JRK: variants seen among roughly 807,000 people sequenced by gnomAD.
The protein encoded by JRK is jerky protein homolog.
For missense variants in JRK, 720 were observed against 509.2 expected (o/e 1.41, Z -3.98); for synonymous variants, 303 against 218.1 (o/e 1.39, Z -3.43).
downstream of JRK, among the ~76,000 whole-genome samples, chr8:142,656,031 A>AT (rs1438495776): frequency 6.6e-6 from 1 of 152,206 alleles, no homozygotes; most frequent in African/African-American, 2.4e-5. Context: ...TTCTCAGACC[A>AT]TATTTATGAT....
At chr8:142,648,807 C>T in the JRK span, among the ~76,000 whole-genome samples, 1 of 152,234 alleles carries the variant, frequency 6.6e-6, no homozygotes, top group Non-Finnish European at 1.5e-5. Context: ...GATCCACTGA[C>T]AGCTTGCACT....
rs587674306 is a variant in JRK at position 142,661,935 on chromosome 8, T to C, written c.*2417A>G. ...AGGCAAGAGGTATGCACCAGGCAGC[T>C]GGGCCCAGCAGCTCAGAGATGAGTA... On this transcript the variant is annotated 3_prime_UTR_variant, in exon 2 of 2. Transcript: ENST00000612905. The C allele has an allele frequency of 2.4e-5, 24 of 985,550 alleles. No homozygotes were observed. In the African/African-American group the frequency reaches 4.0e-4, roughly 16 times the overall value. 61.1% of individuals were successfully genotyped at this position (985,550 alleles called of 1,614,324 possible). A position where few individuals can be genotyped will look rare whatever the true frequency, so the allele number is the denominator to read the frequency against.
Position 142,661,244 on chromosome 8 carries a change from C to A in JRK, c.*3108G>T. 1.0e-6 allele frequency: 1 copy of A among 985,572 alleles called. No individual in the cohort carries two copies. The highest frequency in any genetic ancestry group is 1.2e-6 in the Non-Finnish European group (1 of 830,066). The allele number at this position is 985,572 out of a possible 1,614,324, so 61.1% of individuals were successfully genotyped here. A position where few individuals can be genotyped will look rare whatever the true frequency, so the allele number is the denominator to read the frequency against. On this transcript the variant is annotated 3_prime_UTR_variant, in exon 2 of 2. Coordinates refer to ENST00000612905, the MANE Select transcript of JRK (RefSeq NM_003724.4). ...GAAGGCCAGGCTGGCACAGGCAGGA[C>A]AGGTGTTCTGTAAACCAACCCCAAC...
In JRK at chr8:142,663,137, A is replaced by C. The variant is rs587688807; in HGVS notation, c.*1215T>G. 13 of 980,490 alleles carry C rather than the reference A, an allele frequency of 1.3e-5. No individual in the cohort carries two copies. The African/African-American group carries it at 2.3e-4, about 17-fold the overall frequency. The allele number at this position is 980,490 out of a possible 1,614,324, so 60.7% of individuals were successfully genotyped here. A position where few individuals can be genotyped will look rare whatever the true frequency, so the allele number is the denominator to read the frequency against. On this transcript the variant is annotated 3_prime_UTR_variant, in exon 2 of 2. Transcript: ENST00000612905. ...CACTTCACTCCAGCCTGGTCAACAG[A>C]GTGAGACCCTGCCTCAAGAAAAGAA... is the stretch of plus-strand genomic sequence containing the variant.
At chr8:142,657,240 T>C (rs782267950), downstream of JRK, among the ~76,000 whole-genome samples, 1 of 152,162 alleles carries the variant, frequency 6.6e-6, no homozygotes, top group Non-Finnish European at 1.5e-5. Flanking sequence ...CCCAGACCCC[T>C]TGTAACTAGT....
At position 142,658,713 on chromosome 8, in the gene JRK, G is replaced by A. The variant is rs1483561169; in HGVS notation, c.*5639C>T. 1.4e-6 allele frequency: 2 copies of A among 1,391,424 alleles called. No homozygotes were observed. Among genetic ancestry groups the A allele is most frequent in the Non-Finnish European group, 1.9e-6 (2 of 1,056,998 alleles). The allele number at this position is 1,391,424 out of a possible 1,614,324, so 86.2% of individuals were successfully genotyped here. ...CAGGGTTTCAACATATAAACTTTGGGGGGGGACACAAACATGCAGTCCTTA... is the reference window on the plus strand; with the variant it reads ...CAGGGTTTCAACATATAAACTTTGGAGGGGGACACAAACATGCAGTCCTTA... On this transcript the variant is annotated 3_prime_UTR_variant, in exon 2 of 2. Transcript: ENST00000612905.
Position 142,665,611 on chromosome 8 carries a change from C to G in JRK, c.448G>C (p.Ala150Pro). The change falls in exon 2 of 2, where the codon GCA becomes CCA. Residue 150 changes from alanine to proline, a missense_variant. Coordinates refer to ENST00000612905, the MANE Select transcript of JRK (RefSeq NM_003724.4). ...TCGGCTGACTGCTTTTCACTGGATG[C>G]ATCTAGCTTTTTAATGCCGTGTCTG... ...KARHGIKKLD[A>P]SSEKQSADHQ... 1.4e-6 allele frequency: 1 copy of G among 718,566 alleles called. No individual in the cohort carries two copies. The highest frequency in any genetic ancestry group is 2.6e-6 in the Non-Finnish European group (1 of 385,110). 44.5% of individuals were successfully genotyped at this position (718,566 alleles called of 1,614,324 possible).
chr8:142,669,698 G>A (rs1208356262), intron 1 of JRK, among the ~76,000 whole-genome samples: 1 of 151,312 alleles, frequency 6.6e-6, no homozygotes, highest in Non-Finnish European at 1.5e-5. Flanking sequence ...CGCGGGGGTC[G>A]CGCGGGAAGC....
Position 142,659,433 on chromosome 8 carries a change from A to G in JRK, c.*4919T>C. 1.0e-6 allele frequency: 1 copy of G among 986,240 alleles called. No individual in the cohort carries two copies. The highest frequency in any genetic ancestry group is 1.2e-6 in the Non-Finnish European group (1 of 830,470). The allele number at this position is 986,240 out of a possible 1,614,324, so 61.1% of individuals were successfully genotyped here. Reference sequence around the variant, plus strand: ...TACCTGCAGACATAGAGGGCCTTTGAGCACCTCGTAGCTTGCTTCCCAGCC... The same window carrying G: ...TACCTGCAGACATAGAGGGCCTTTGGGCACCTCGTAGCTTGCTTCCCAGCC... On this transcript the variant is annotated 3_prime_UTR_variant, in exon 2 of 2. Coordinates refer to ENST00000612905, the MANE Select transcript of JRK (RefSeq NM_003724.4).
At chr8:142,656,751 C>T (rs1025032720), downstream of JRK, among the ~76,000 whole-genome samples, 2 of 152,124 alleles carry the variant, frequency 1.3e-5, no homozygotes, top group African/African-American at 2.4e-5. Context: ...GTGGCTCTGC[C>T]GTTTGGGGTG....
At chr8:142,656,822 A>AAT (rs1846763153), downstream of JRK, among the ~76,000 whole-genome samples, 1 of 152,180 alleles carries the variant, frequency 6.6e-6, no homozygotes, top group Non-Finnish European at 1.5e-5. Context: ...GGGAATCAGC[A>AAT]ATACCAGGTG....
At chr8:142,656,241 T>A (rs1554633629), downstream of JRK, among the ~76,000 whole-genome samples, 12 of 152,222 alleles carry the variant, frequency 7.9e-5, no homozygotes. Flanking sequence ...TCAGACTATT[T>A]TCCTACTTTC....
At chr8:142,649,260 G>T in the JRK span, among the ~76,000 whole-genome samples, 1 of 152,174 alleles carries the variant, frequency 6.6e-6, no homozygotes, top group Non-Finnish European at 1.5e-5. Context: ...GAAATGTAAG[G>T]ACATGAGATT....
At chr8:142,654,276 G>A (rs1164961959), downstream of JRK, among the ~76,000 whole-genome samples, 5 of 152,082 alleles carry the variant, frequency 3.3e-5, no homozygotes, top group East Asian at 9.6e-4. Context: ...CTGCCCTCCT[G>A]GGGTGCTGGC....
In JRK at chr8:142,658,905, C is replaced by A. The variant is rs1554634127; in HGVS notation, c.*5447G>T. ...CAGCACTTAGGAATTGCCAACTCCT[C>A]TGGTGAGGTCACTACCACATCCTCA... On this transcript the variant is annotated 3_prime_UTR_variant, in exon 2 of 2. Transcript: ENST00000612905. 6.2e-7 allele frequency: 1 copy of A among 1,613,496 alleles called. No individual in the cohort carries two copies. The highest frequency in any genetic ancestry group is 1.3e-5 in the African/African-American group (1 of 74,926).
chr8:142,665,689 G>C lies in JRK; in HGVS notation c.370C>G (p.Gln124Glu), dbSNP rs1289243046. 5.4e-6 allele frequency: 4 copies of C among 736,864 alleles called. No individual in the cohort carries two copies. Among genetic ancestry groups the C allele is most frequent in the African/African-American group, 3.4e-5 (2 of 58,114 alleles). 45.6% of individuals were successfully genotyped at this position (736,864 alleles called of 1,614,324 possible). The change falls in exon 2 of 2, where the codon CAG (glutamine) becomes GAG (glutamate). Residue 124 changes from glutamine (Q) to glutamate (E), a missense_variant. Gln to Glu is a conservative substitution (Grantham distance 29). Coordinates refer to ENST00000612905, the MANE Select transcript of JRK (RefSeq NM_003724.4). ...EKAKDFYEQM[Q>E]LTEPCVFSGG... Reference sequence around the variant, plus strand: ...GAGAACACGCAGGGCTCAGTGAGCTGCATCTGCTCGTAGAAGTCCTTGGCC... The same window carrying C: ...GAGAACACGCAGGGCTCAGTGAGCTCCATCTGCTCGTAGAAGTCCTTGGCC...
the JRK span, among the ~76,000 whole-genome samples, chr8:142,647,274 T>A: frequency 2.6e-5 from 4 of 152,082 alleles, no homozygotes; most frequent in Non-Finnish European, 5.9e-5. Context: ...ATTTTTTTTC[T>A]TAATGAAAAA....
At chr8:142,667,605 T>A (rs1211110922) in intron 1 of JRK, among the ~76,000 whole-genome samples, 1 of 152,186 alleles carries the variant, frequency 6.6e-6, no homozygotes, top group Admixed American at 6.5e-5. Flanking sequence ...CAGAAGCAAA[T>A]GCCAGGAAAC....
At chr8:142,652,729 C>A (rs1351060320), downstream of JRK, among the ~76,000 whole-genome samples, 1 of 152,124 alleles carries the variant, frequency 6.6e-6, no homozygotes, top group East Asian at 1.9e-4. Context: ...ATTTGGGAGC[C>A]CCAGTGTATT....
Sources: allele counts gnomAD v4.1 joint callset (sites outside exome capture counted in the v4.1 genomes callset), GRCh38; gene constraint gnomAD v4.1.1; transcripts MANE v1.5; gene names NCBI Gene and HGNC (gene_info 2026-07-23, HGNC 2026-07-21).